The following ZNF90 variants were observed in gnomAD, a reference collection of about 807,000 sequenced individuals.
The protein encoded by ZNF90 is zinc finger protein 90, also known as zinc finger protein HTF9.
In ZNF90, 11 loss-of-function variants were observed where a neutral mutation model predicts 12.0. That is an observed-to-expected ratio of 0.92 (90% confidence interval 0.58 to 1.52). The LOEUF is 1.52. Ranked by LOEUF, ZNF90 falls within the 40% of genes most tolerant of loss-of-function variation. ZNF90 has a pLI of 0.00. For synonymous variants in ZNF90, 232 were observed against 240.1 expected (o/e 0.97, Z 0.31); for missense variants, 765 against 711.5 (o/e 1.08, Z -0.86).
intron 1 of ZNF90, among the ~76,000 whole-genome samples, chr19:20,102,677 A>G (rs1458230277): frequency 6.6e-6 from 1 of 152,198 alleles, no homozygotes; most frequent in Non-Finnish European, 1.5e-5. Context: ...TGAACATGAA[A>G]AGATATGGAT....
At chr19:20,105,384 C>G (rs1026178719) in intron 3 of ZNF90, 68 bp downstream of exon 3, 18 of 1,284,500 alleles carry the variant, frequency 1.4e-5, no homozygotes, top group Non-Finnish European at 2.0e-5. Flanking sequence ...AAGAGAAAGC[C>G]GGTCCTTAAA....
intron 3 of ZNF90, among the ~76,000 whole-genome samples, chr19:20,110,546 T>G (rs931890682): frequency 6.6e-6 from 1 of 152,196 alleles, no homozygotes; most frequent in Non-Finnish European, 1.5e-5. Context: ...TTTACAGGCT[T>G]GAACCACTGC....
intron 3 of ZNF90, among the ~76,000 whole-genome samples, chr19:20,106,044 CTTTTTTTT>C (rs56933917): frequency 3.8e-4 from 27 of 71,058 alleles, no homozygotes; most frequent in African/African-American, 1.0e-3. Flanking sequence ...CTAATTTTTT[CTTTTTTTT>C]TTTTTTTTTT....
chr19:20,101,552 TATTGTTTTTGAATCTCTA>T (rs1170698685), intron 1 of ZNF90, among the ~76,000 whole-genome samples: 24 of 152,224 alleles, frequency 1.6e-4, no homozygotes, highest in African/African-American at 5.5e-4. Flanking sequence ...TGGAGCAGCT[TATTGTTTTTGAATCTCTA>T]ATTGTTTTTG....
At position 20,085,522 on chromosome 19, in the gene ZNF90, A is replaced by G. The variant is rs1476986960; in HGVS notation, c.3+7387A>G. ...TGATCTGCCCGCCTCGGCCTCCCAA[A>G]GTGCTGGGATTACAGGCTTGAGCCA... On this transcript the variant is annotated intron_variant, in intron 1 of 3. Coordinates refer to ENST00000418063, the MANE Select transcript of ZNF90 (RefSeq NM_007138.2). Among the ~76,000 whole-genome samples the G allele has an allele frequency of 9.9e-5, 15 of 152,210 alleles. No individual in the cohort carries two copies. The East Asian group carries it at 1.2e-3, about 12-fold the overall frequency.
intron 1 of ZNF90, among the ~76,000 whole-genome samples, chr19:20,093,112 C>A (rs12973272): frequency 6.6e-6 from 1 of 151,238 alleles, no homozygotes; most frequent in East Asian, 1.9e-4. Context: ...TAAGATCAAG[C>A]ATGGAATAGT....
rs1555704159 is a variant in ZNF90 at position 20,104,295 on chromosome 19, C to T, written c.60C>T (p.Cys20=). 6.2e-7 allele frequency: 1 copy of T among 1,613,884 alleles called. No homozygotes were observed. Among genetic ancestry groups the T allele is most frequent in the Non-Finnish European group, 8.5e-7 (1 of 1,179,976 alleles). The change falls in exon 2 of 4, where the codon TGC becomes TGT. Residue 20 remains cysteine (C), a synonymous_variant. Transcript: ENST00000418063. ...AIEFSLEEWH[C]LDTAQQNLYR... is the part of the protein sequence containing the mutation. ...AATTCTCTCTGGAGGAGTGGCATTGCCTGGACACTGCACAGCAGAATTTAT... is the reference window on the plus strand; with the variant it reads ...AATTCTCTCTGGAGGAGTGGCATTGTCTGGACACTGCACAGCAGAATTTAT...
chr19:20,118,022 AT>A lies in ZNF90; in HGVS notation c.472del (p.Ser158GlnfsTer8). ...ATACATATGTGAAAGTCTCTCATAT[AT>A]TTTCAAATTCAAACAGACATAAGAT... is the stretch of plus-strand genomic sequence containing the variant. ...CDTYVKVSHI[F>X]SNSNRHKIRD... On this transcript the variant is annotated frameshift_variant, in exon 4 of 4. Coordinates refer to ENST00000418063, the MANE Select transcript of ZNF90 (RefSeq NM_007138.2). LOFTEE classifies it low-confidence loss of function (END_TRUNC). 1.2e-6 allele frequency: 2 copies of A among 1,612,088 alleles called. No homozygotes were observed. Among genetic ancestry groups the A allele is most frequent in the Non-Finnish European group, 1.7e-6 (2 of 1,179,010 alleles).
chr19:20,082,218 C>G (rs1035302371), intron 1 of ZNF90, among the ~76,000 whole-genome samples: 1 of 152,010 alleles, frequency 6.6e-6, no homozygotes, highest in Non-Finnish European at 1.5e-5. Flanking sequence ...TCCTCATGGT[C>G]CTCCCACTCT....
At chr19:20,094,014 G>A (rs1193141047) in intron 1 of ZNF90, among the ~76,000 whole-genome samples, 1 of 152,218 alleles carries the variant, frequency 6.6e-6, no homozygotes, top group Non-Finnish European at 1.5e-5. Flanking sequence ...GCACAGATGG[G>A]ACATGGCTTG....
chr19:20,107,124 G>T (rs1034022157), intron 3 of ZNF90: 1 of 405,038 alleles, frequency 2.5e-6, no homozygotes, highest in Admixed American at 2.7e-5. Context: ...AATTGGCCAT[G>T]ATCTGTGGCT....
At chr19:20,114,898 C>T (rs372845517) in intron 3 of ZNF90, among the ~76,000 whole-genome samples, 1 of 152,046 alleles carries the variant, frequency 6.6e-6, no homozygotes, top group Non-Finnish European at 1.5e-5. Context: ...AATTATATTT[C>T]TCTCTATGTG....
chr19:20,096,980 T>G (rs2088952720), intron 1 of ZNF90, among the ~76,000 whole-genome samples: 1 of 152,204 alleles, frequency 6.6e-6, no homozygotes, highest in South Asian at 2.1e-4. Context: ...TATTTGTCAT[T>G]GAATATGAGC....
intron 1 of ZNF90, among the ~76,000 whole-genome samples, chr19:20,088,671 C>G (rs1048880493): frequency 6.6e-6 from 1 of 152,160 alleles, no homozygotes; most frequent in Non-Finnish European, 1.5e-5. Flanking sequence ...GTGAGTAAGT[C>G]AAGGCCTCGG....
intron 3 of ZNF90, among the ~76,000 whole-genome samples, chr19:20,107,369 G>A (rs540752114): frequency 2.0e-5 from 3 of 152,162 alleles, no homozygotes; most frequent in Admixed American, 6.5e-5. Context: ...CAAGAACAGC[G>A]GCCCTTTAGT....
intron 3 of ZNF90, among the ~76,000 whole-genome samples, chr19:20,110,651 C>A (rs782667239): frequency 6.6e-6 from 1 of 152,108 alleles, no homozygotes; most frequent in Non-Finnish European, 1.5e-5. Flanking sequence ...TTTCCACCAA[C>A]GTTTAACATG....
intron 1 of ZNF90, among the ~76,000 whole-genome samples, chr19:20,095,903 G>A (rs1298137423): frequency 3.9e-5 from 6 of 152,338 alleles, no homozygotes; most frequent in Admixed American, 3.9e-4. Flanking sequence ...GAAGGACCAA[G>A]GCAGGTGTCC....
chr19:20,084,696 G>A (rs1230341), intron 1 of ZNF90, among the ~76,000 whole-genome samples: 1,781 of 152,214 alleles, frequency 0.012, 17 homozygotes, highest in Non-Finnish European at 0.019. Context: ...ACTGGTGTGT[G>A]GTGGTGTCTC....
At chr19:20,109,249 A>G (rs190962366) in intron 3 of ZNF90, among the ~76,000 whole-genome samples, 2 of 152,202 alleles carry the variant, frequency 1.3e-5, no homozygotes, top group Non-Finnish European at 2.9e-5. Flanking sequence ...TTTGAGGTTT[A>G]AGAGATAAAT....
Sources: allele counts gnomAD v4.1 joint callset (sites outside exome capture counted in the v4.1 genomes callset), GRCh38; gene constraint gnomAD v4.1.1; transcripts MANE v1.5; gene names NCBI Gene and HGNC (gene_info 2026-07-23, HGNC 2026-07-21).